SHC3: variants seen among roughly 807,000 people sequenced by gnomAD.
SHC3 encodes the protein SHC-transforming protein 3.
A neutral mutation model predicts 60.4 loss-of-function variants in SHC3; 15 were observed. That is an observed-to-expected ratio of 0.25 (90% CI 0.17 to 0.38). The LOEUF (loss-of-function observed/expected upper bound fraction) is 0.38. SHC3 is among the 10% of genes least tolerant of loss of function. The pLI is 1.00. For missense variants in SHC3, 677 were observed against 786.1 expected, an observed-to-expected ratio of 0.86 and a Z score of 1.66; for synonymous variants, 294 against 325.9, an observed-to-expected ratio of 0.90 and a Z score of 1.05.
intron 11 of SHC3, among the ~76,000 whole-genome samples, chr9:89,014,267 G>A (rs568805299): frequency 6.6e-6 from 1 of 152,154 alleles, no homozygotes. Flanking sequence ...TGAACACTCT[G>A]CCCTGCTTGC....
At chr9:89,081,238 C>T (rs1245195887) in intron 2 of SHC3, among the ~76,000 whole-genome samples, 1 of 152,160 alleles carries the variant, frequency 6.6e-6, no homozygotes, top group South Asian at 2.1e-4. Flanking sequence ...AGGAAACTAT[C>T]AAAAGCCCAA....
At chr9:89,017,486 T>G (rs966320394) in intron 11 of SHC3, among the ~76,000 whole-genome samples, 3 of 152,020 alleles carry the variant, frequency 2.0e-5, no homozygotes, top group African/African-American at 7.2e-5. Flanking sequence ...ACATCTTATA[T>G]AAAAATTAAC....
intron 11 of SHC3, among the ~76,000 whole-genome samples, chr9:89,034,435 G>A (rs1449543300): frequency 1.3e-5 from 2 of 152,164 alleles, no homozygotes; most frequent in Non-Finnish European, 2.9e-5. Flanking sequence ...GTTTGGAGTG[G>A]ACAAGGACAC....
intron 2 of SHC3, among the ~76,000 whole-genome samples, chr9:89,108,002 A>G (rs1564149283): frequency 6.6e-6 from 1 of 152,206 alleles, no homozygotes. Flanking sequence ...TTTTCACTCT[A>G]CCTTTTCTAT....
At chr9:89,086,603 G>C (rs1026901802) in intron 2 of SHC3, among the ~76,000 whole-genome samples, 1 of 152,134 alleles carries the variant, frequency 6.6e-6, no homozygotes, top group Non-Finnish European at 1.5e-5. Flanking sequence ...TGATCATATA[G>C]GCAAGATTCA....
chr9:89,111,393 ATGAC>A (rs977363622), intron 2 of SHC3, among the ~76,000 whole-genome samples: 18 of 152,312 alleles, frequency 1.2e-4, no homozygotes, highest in African/African-American at 4.3e-4. Context: ...AGGTGAATAA[ATGAC>A]TGACTAAGAA....
Position 89,011,116 on chromosome 9 carries a change from T to A in SHC3, c.*2331A>T, listed in dbSNP as rs35680553. 26,858 of 152,246 alleles carry A rather than the reference T, an allele frequency of 0.18. 2,766 individuals carry two copies. Among genetic ancestry groups the A allele is most frequent in the Non-Finnish European group, 0.23 (15,488 of 68,000 alleles). 9.4% of individuals were successfully genotyped at this position (152,246 alleles called of 1,614,324 possible). On this transcript the variant is annotated 3_prime_UTR_variant, in exon 12 of 12. Transcript: ENST00000375835. ...GCTCACTTCACTGGCACTATTCTAGTGTAACCAATATATAATCTGAGCTTA... is the reference window on the plus strand; with the variant it reads ...GCTCACTTCACTGGCACTATTCTAGAGTAACCAATATATAATCTGAGCTTA...
intron 1 of SHC3, among the ~76,000 whole-genome samples, chr9:89,132,787 A>C (rs1826266285): frequency 6.6e-6 from 1 of 152,216 alleles, no homozygotes; most frequent in African/African-American, 2.4e-5. Flanking sequence ...TAAATGTTAG[A>C]CCTAAAACCA....
At chr9:89,061,889 A>C (rs116273323) in intron 6 of SHC3, among the ~76,000 whole-genome samples, 2,302 of 152,240 alleles carry the variant, frequency 0.015, 59 homozygotes, top group African/African-American at 0.052. Flanking sequence ...TCAAAAAAAC[A>C]TAGTATGTGT....
chr9:89,135,213 C>T (rs2118178018), intron 1 of SHC3, among the ~76,000 whole-genome samples: 1 of 152,186 alleles, frequency 6.6e-6, no homozygotes, highest in Non-Finnish European at 1.5e-5. Context: ...ACTTGTAGAG[C>T]CAACAAAAGC....
chr9:89,112,623 AG>A lies in SHC3; in HGVS notation c.477del (p.Leu160TrpfsTer10). The A allele has an allele frequency of 6.3e-7, 1 of 1,588,350 alleles. No homozygotes were observed. Among genetic ancestry groups the A allele is most frequent in the East Asian group, 2.3e-5 (1 of 43,078 alleles). On this transcript the variant is annotated frameshift_variant and splice_region_variant, in exon 2 of 12. Coordinates refer to ENST00000375835, the MANE Select transcript of SHC3 (RefSeq NM_016848.6). LOFTEE classifies it high-confidence loss of function. ...GAGCGCAGAACTTCAATGCACCCCA[AG>A]TACTGCAAGGGGAAAAAATGTAAAT... is the stretch of plus-strand genomic sequence containing the variant. ...LGPGVTYVVK[Y>X]LGCIEVLRSM...
chr9:89,079,303 A>C (rs1442231684), intron 2 of SHC3, among the ~76,000 whole-genome samples: 1 of 152,246 alleles, frequency 6.6e-6, no homozygotes, highest in Admixed American at 6.5e-5. Context: ...TCTTTACAGA[A>C]CTATATAAAC....
rs1401167859 is a variant in SHC3 at position 89,008,672 on chromosome 9, T to C, written c.*4775A>G. ...TATGCTCAGGTGTGTGCAGGGCCAG[T>C]CAGAAATTGTTTCCAGAAACAGCCT... On this transcript the variant is annotated 3_prime_UTR_variant, in exon 12 of 12. Transcript: ENST00000375835. 5 of 152,134 alleles carry C rather than the reference T, an allele frequency of 3.3e-5. No homozygotes were observed. Among genetic ancestry groups the C allele is most frequent in the Non-Finnish European group, 5.9e-5 (4 of 68,042 alleles). 9.4% of individuals were successfully genotyped at this position (152,134 alleles called of 1,614,324 possible). A position where few individuals can be genotyped will look rare whatever the true frequency, so the allele number is the denominator to read the frequency against.
chr9:89,173,442 C>T (rs75025924), intron 1 of SHC3, among the ~76,000 whole-genome samples: 2,050 of 152,316 alleles, frequency 0.013, 47 homozygotes, highest in African/African-American at 0.044. Context: ...GGTAAGACAC[C>T]GTGCGGAGGC....
At chr9:89,166,737 C>G (rs999738326) in intron 1 of SHC3, among the ~76,000 whole-genome samples, 1 of 152,042 alleles carries the variant, frequency 6.6e-6, no homozygotes, top group Non-Finnish European at 1.5e-5. Flanking sequence ...GGAAAGGATG[C>G]GCAAGGGAAG....
At position 89,121,517 on chromosome 9, in the gene SHC3, C is replaced by T. The variant is rs189441559; in HGVS notation, c.475-8891G>A. On this transcript the variant is annotated intron_variant, in intron 1 of 11. Transcript: ENST00000375835. ...GTTGGTCAGGCTGGTCTTAAACTCC[C>T]GACCTCAGGAGATCTGCCCACCTTG... Among the ~76,000 whole-genome samples the T allele has an allele frequency of 3.7e-3, 569 of 152,130 alleles. 7 individuals are homozygous for T. The highest frequency in any genetic ancestry group is 3.3e-3 in the Non-Finnish European group (227 of 67,996).
chr9:89,106,914 G>A (rs1433986755), intron 2 of SHC3, among the ~76,000 whole-genome samples: 1 of 151,954 alleles, frequency 6.6e-6, no homozygotes, highest in Non-Finnish European at 1.5e-5. Flanking sequence ...CGAAAATAGA[G>A]CAGAATGAGG....
At chr9:89,017,632 C>A (rs571122082) in intron 11 of SHC3, among the ~76,000 whole-genome samples, 2 of 152,156 alleles carry the variant, frequency 1.3e-5, no homozygotes, top group African/African-American at 4.8e-5. Context: ...GCAACAAAAG[C>A]CAAAATTGAC....
At chr9:89,107,290 C>A (rs1246992096) in intron 2 of SHC3, among the ~76,000 whole-genome samples, 2 of 152,214 alleles carry the variant, frequency 1.3e-5, no homozygotes, top group African/African-American at 2.4e-5. Context: ...CCCATGACTG[C>A]AGTAAGTATG....
Sources: gnomAD v4.1 joint callset for allele counts (sites outside exome capture counted in the v4.1 genomes callset) on GRCh38, gnomAD v4.1.1 for gene constraint, MANE v1.5 for transcripts, NCBI Gene and HGNC (gene_info 2026-07-23, HGNC 2026-07-21) for gene names.